Variants in PPARGC1A observed in about 807,000 individuals in gnomAD.
PPARGC1A encodes the protein PPARG coactivator 1 alpha, also known as peroxisome proliferator-activated receptor gamma coactivator 1-alpha.
A neutral mutation model predicts 88.7 loss-of-function variants in PPARGC1A; 25 were observed. The observed-to-expected ratio is 0.28, with a 90% confidence interval of 0.21 to 0.39. The LOEUF (loss-of-function observed/expected upper bound fraction) is 0.39. PPARGC1A is among the 10% of genes least tolerant of loss of function. PPARGC1A has a pLI of 1.00. For missense variants in PPARGC1A, 880 were observed against 968.7 expected, an observed-to-expected ratio of 0.91 and a Z score of 1.22; for synonymous variants, 363 against 355.6, an observed-to-expected ratio of 1.02 and a Z score of -0.24.
In PPARGC1A at chr4:23,795,698, T is replaced by G. The variant is rs1399623097; in HGVS notation, c.*124A>C. 1 of 661,882 alleles carries G rather than the reference T, an allele frequency of 1.5e-6. No homozygotes were observed. The highest frequency in any genetic ancestry group is 2.5e-6 in the Non-Finnish European group (1 of 397,858). 41.0% of individuals were successfully genotyped at this position (661,882 alleles called of 1,614,324 possible). On this transcript the variant is annotated 3_prime_UTR_variant, in exon 13 of 13. Transcript: ENST00000264867. ...GTTGTATTGTTGTTGTTTTGTTTTG[T>G]TTTTGTACAGAGAGTGTAAAGTAGG...
the PPARGC1A span, among the ~76,000 whole-genome samples, chr4:23,938,890 T>C: frequency 6.6e-6 from 1 of 151,956 alleles, no homozygotes; most frequent in South Asian, 2.1e-4. Context: ...CCAACAAAGG[T>C]TGGTCACTGG....
In PPARGC1A at chr4:23,811,889, C is replaced by CTTTTTTTTTTTTT. The variant is rs71196134; in HGVS notation, c.2019+845_2019+857dup. The stretch of plus-strand genomic sequence containing the variant: ...GACGACCATCACGCAGAAGAAATGA[C>CTTTTTTTTTTTTT]TTTTTTTTTTTTTTTTTTTTTTTTT... On this transcript the variant is annotated intron_variant, in intron 10 of 12. Coordinates refer to ENST00000264867, the MANE Select transcript of PPARGC1A (RefSeq NM_013261.5). Among the ~76,000 whole-genome samples the CTTTTTTTTTTTTT allele has an allele frequency of 6.8e-5, 4 of 59,040 alleles. 1 individual carries two copies. The highest frequency in any genetic ancestry group is 1.3e-4 in the Non-Finnish European group (4 of 31,620). 38.7% of individuals were successfully genotyped at this position (59,040 alleles called of 152,430 possible). A position where few individuals can be genotyped will look rare whatever the true frequency, so the allele number is the denominator to read the frequency against.
At chr4:23,909,688 T>A in the PPARGC1A span, among the ~76,000 whole-genome samples, 2 of 151,816 alleles carry the variant, frequency 1.3e-5, no homozygotes, top group Non-Finnish European at 2.9e-5. Flanking sequence ...TGACACTTCC[T>A]AACTCTTTGA....
the PPARGC1A span, among the ~76,000 whole-genome samples, chr4:24,121,300 T>C: frequency 3.9e-5 from 6 of 152,276 alleles, no homozygotes; most frequent in South Asian, 1.2e-3. Context: ...ACGCCTGTTT[T>C]TCAAACAAGT....
the PPARGC1A span, among the ~76,000 whole-genome samples, chr4:24,299,093 A>C: frequency 6.6e-6 from 1 of 152,174 alleles, no homozygotes; most frequent in Non-Finnish European, 1.5e-5. Flanking sequence ...ATTTTATAGC[A>C]AAACCAATGC....
At chr4:23,893,790 A>G (rs1878949), upstream of PPARGC1A, among the ~76,000 whole-genome samples, 2 of 152,002 alleles carry the variant, frequency 1.3e-5, no homozygotes, top group African/African-American at 4.8e-5. Context: ...GAATGTTTCC[A>G]TATACACTAT....
At chr4:24,229,916 G>C in the PPARGC1A span, among the ~76,000 whole-genome samples, 1 of 151,994 alleles carries the variant, frequency 6.6e-6, no homozygotes, top group East Asian at 1.9e-4. Flanking sequence ...TGGTCTCTGG[G>C]ATTCCTATTT....
At chr4:23,840,197 T>A (rs1380159990) in intron 2 of PPARGC1A, among the ~76,000 whole-genome samples, 1 of 152,058 alleles carries the variant, frequency 6.6e-6, no homozygotes, top group Non-Finnish European at 1.5e-5. Flanking sequence ...ATATAATTTA[T>A]CATCCAAGCA....
chr4:24,187,606 G>A, the PPARGC1A span, among the ~76,000 whole-genome samples: 1 of 152,180 alleles, frequency 6.6e-6, no homozygotes, highest in Non-Finnish European at 1.5e-5. Flanking sequence ...AGCTTTTACA[G>A]TAAATGTCTG....
chr4:24,411,541 T>C, the PPARGC1A span, among the ~76,000 whole-genome samples: 1 of 152,198 alleles, frequency 6.6e-6, no homozygotes, highest in African/African-American at 2.4e-5. Context: ...AAATCCATAG[T>C]TCACATTAGG....
At chr4:23,878,121 G>C (rs891427032) in intron 2 of PPARGC1A, among the ~76,000 whole-genome samples, 1 of 152,102 alleles carries the variant, frequency 6.6e-6, no homozygotes, top group African/African-American at 2.4e-5. Flanking sequence ...TCCAGGCAGA[G>C]TAACTTTGAT....
the PPARGC1A span, among the ~76,000 whole-genome samples, chr4:24,126,154 T>C: frequency 6.6e-6 from 1 of 152,036 alleles, no homozygotes; most frequent in Admixed American, 6.6e-5. Context: ...TCTTGCTGGG[T>C]CTACAATCCC....
the PPARGC1A span, among the ~76,000 whole-genome samples, chr4:24,386,655 G>A: frequency 2.0e-5 from 3 of 152,036 alleles, no homozygotes; most frequent in African/African-American, 7.2e-5. Flanking sequence ...GCTACAAAGA[G>A]AATAAAATAC....
chr4:24,109,298 T>C, the PPARGC1A span, among the ~76,000 whole-genome samples: 6 of 131,872 alleles, frequency 4.5e-5, no homozygotes, highest in South Asian at 5.6e-4. Flanking sequence ...CATTTCATTA[T>C]ACACACACAC....
intron 7 of PPARGC1A, among the ~76,000 whole-genome samples, chr4:23,815,612 G>A (rs567000857): frequency 9.2e-5 from 14 of 152,208 alleles, no homozygotes; most frequent in Admixed American, 5.9e-4. Context: ...TCCGTGAAGC[G>A]TAGTAGTTTC....
the PPARGC1A span, among the ~76,000 whole-genome samples, chr4:24,157,035 C>A: frequency 6.6e-6 from 1 of 152,066 alleles, no homozygotes; most frequent in East Asian, 1.9e-4. Flanking sequence ...TCAAGGATAC[C>A]ACATAGAGGC....
chr4:24,419,535 A>C, the PPARGC1A span, among the ~76,000 whole-genome samples: 2 of 150,592 alleles, frequency 1.3e-5, no homozygotes, highest in East Asian at 3.9e-4. Context: ...CCCTCTCCCA[A>C]TTTCAGCCTT....
chr4:24,470,027 C>T, the PPARGC1A span, among the ~76,000 whole-genome samples: 2 of 152,122 alleles, frequency 1.3e-5, no homozygotes, highest in African/African-American at 4.8e-5. The surrounding 1 kb of genome is among the most constrained non-coding windows in gnomAD (Gnocchi z 5.8). Flanking sequence ...TCCTTAGACC[C>T]AAGTCTCCTT....
At chr4:23,856,567 G>C (rs1408012575) in intron 2 of PPARGC1A, among the ~76,000 whole-genome samples, 2 of 152,158 alleles carry the variant, frequency 1.3e-5, no homozygotes, top group African/African-American at 4.8e-5. Flanking sequence ...ATGCACTAAT[G>C]ATAGCCACTC....
Sources: gnomAD v4.1 joint callset for allele counts (sites outside exome capture counted in the v4.1 genomes callset) on GRCh38, gnomAD v4.1.1 for gene constraint, Gnocchi (gnomAD v3.1) non-coding constraint, MANE v1.5 for transcripts, NCBI Gene and HGNC (gene_info 2026-07-23, HGNC 2026-07-21) for gene names.